KCTD19: variants seen among roughly 807,000 people sequenced by gnomAD.
KCTD19 encodes the protein potassium channel tetramerization domain containing 19, also known as BTB/POZ domain-containing protein KCTD19.
In KCTD19, 67 loss-of-function variants were observed where a neutral mutation model predicts 103.5. The observed-to-expected ratio is 0.65, with a 90% CI of 0.53 to 0.79. The LOEUF (loss-of-function observed/expected upper bound fraction) is 0.79, where lower values mean the gene tolerates loss of function less well. Among genes scored for constraint, KCTD19 ranks in the 30% least tolerant of loss-of-function variants. The pLI, the probability that KCTD19 is intolerant of heterozygous loss-of-function variation, is 0.00. For missense variants in KCTD19, 980 were observed against 1,136.1 expected (o/e 0.86, Z 1.98); for synonymous variants, 439 against 452.2 (o/e 0.97, Z 0.37).
chr16:67,314,013 T>A (rs2036976350), intron 2 of KCTD19, among the ~76,000 whole-genome samples: 1 of 152,188 alleles, frequency 6.6e-6, no homozygotes, highest in Non-Finnish European at 1.5e-5. Context: ...CATGCTACCA[T>A]GCCTGGATAA....
chr16:67,293,436 C>T lies in KCTD19; in HGVS notation c.2218+108G>A, dbSNP rs778025965. The T allele has an allele frequency of 1.0e-4, 124 of 1,220,228 alleles. No individual in the cohort carries two copies. The highest frequency in any genetic ancestry group is 2.8e-4 in the Admixed American group (13 of 46,854). 75.6% of individuals were successfully genotyped at this position (1,220,228 alleles called of 1,614,324 possible). On this transcript the variant is annotated intron_variant, in intron 12 of 15. Transcript: ENST00000304372. This position sits in a 1 kb window ranked among gnomAD's most constrained non-coding sequence, Gnocchi z 4.0. Reference sequence around the variant, plus strand: ...CTGGCACAGAGATGGCATTGGTGAGCGGGGGGGTCTAGTCCTCCTTTGTCA... The same window carrying T: ...CTGGCACAGAGATGGCATTGGTGAGTGGGGGGGTCTAGTCCTCCTTTGTCA...
intron 15 of KCTD19, 99 bp from the exon 16 acceptor site, chr16:67,289,781 GC>G: frequency 1.2e-6 from 1 of 815,138 alleles, no homozygotes; most frequent in Non-Finnish European, 2.0e-6. Flanking sequence ...GACAGGGCAA[GC>G]CCGGCTGTTG....
intron 2 of KCTD19, among the ~76,000 whole-genome samples, chr16:67,317,047 A>AG (rs1216052250): frequency 6.6e-6 from 1 of 152,204 alleles, no homozygotes; most frequent in Non-Finnish European, 1.5e-5. Context: ...AGTTAGCAGG[A>AG]GGCAAAGTCA....
At chr16:67,299,864 C>A (rs867356151) in intron 5 of KCTD19, 6 of 460,510 alleles carry the variant, frequency 1.3e-5, no homozygotes, top group African/African-American at 4.0e-5. Flanking sequence ...GCCATCTGGC[C>A]CTAGCCTCTG....
At chr16:67,318,763 G>A (rs1160687286) in intron 2 of KCTD19, among the ~76,000 whole-genome samples, 1 of 151,820 alleles carries the variant, frequency 6.6e-6, no homozygotes, top group Non-Finnish European at 1.5e-5. Flanking sequence ...TGATGCCTTG[G>A]CGTAGAGTCA....
chr16:67,309,553 G>A (rs539648887), intron 2 of KCTD19, among the ~76,000 whole-genome samples: 32 of 152,336 alleles, frequency 2.1e-4, no homozygotes, highest in East Asian at 7.7e-4. Flanking sequence ...CTAGGGCAGC[G>A]TAGCACTCCA....
At chr16:67,302,937 T>C (rs1241158903) in intron 4 of KCTD19, 2 of 563,504 alleles carry the variant, frequency 3.5e-6, no homozygotes, top group Non-Finnish European at 6.2e-6. Context: ...CCAAAACAAA[T>C]AGGGAATAAA....
intron 6 of KCTD19, 41 bp from the exon 7 acceptor site, chr16:67,297,704 G>A: frequency 6.3e-7 from 1 of 1,599,864 alleles, no homozygotes; most frequent in Non-Finnish European, 8.5e-7. Flanking sequence ...CATCAGCATT[G>A]TACCCCAAGA....
At chr16:67,304,170 G>T (rs2036866347) in intron 3 of KCTD19, among the ~76,000 whole-genome samples, 1 of 152,230 alleles carries the variant, frequency 6.6e-6, no homozygotes, top group South Asian at 2.1e-4. Flanking sequence ...GAATAGGAGG[G>T]AGTGGAATGA....
At position 67,291,625 on chromosome 16, in the gene KCTD19, G is replaced by A. The variant is rs199935854; in HGVS notation, c.2410+21C>T. The A allele has an allele frequency of 4.9e-5, 78 of 1,607,930 alleles. No individual in the cohort carries two copies. The African/African-American group carries it at 9.2e-4, about 19-fold the overall frequency. On this transcript the variant is annotated intron_variant, in intron 13 of 15. Transcript: ENST00000304372. ...ATCCTCACGAGGAGGCGCAGGGCTC[G>A]GCCTGGCTCCAGAGCCTCACCTTGG...
chr16:67,290,890 C>T lies in KCTD19; in HGVS notation c.2662G>A (p.Val888Met), dbSNP rs1336525599. The change falls in exon 15 of 16, where the codon GTG becomes ATG. Residue 888 changes from valine to methionine, a missense_variant. Physicochemically the swap from Val to Met is conservative, Grantham distance 21 (BLOSUM62 1). Transcript: ENST00000304372. Reference protein sequence around the residue: ...RHTQERLYSWVELTLPFARKY... With the variant: ...RHTQERLYSWMELTLPFARKY... ...GGATTGCAAGTGGCCCTCACCTCCA[C>T]CCAGCTGTACAGGCGCTCCTGGGTG... The T allele has an allele frequency of 1.2e-6, 2 of 1,612,396 alleles. No homozygotes were observed. Among genetic ancestry groups the T allele is most frequent in the Non-Finnish European group, 1.7e-6 (2 of 1,179,408 alleles).
In KCTD19 at chr16:67,323,811, G is replaced by T. The variant is rs1597402458; in HGVS notation, c.3+2894C>A. ...ATTGTGATGATAGTTGCACAACTCT[G>T]AACATACTAAAACTCACTGAATTGT... On this transcript the variant is annotated intron_variant, in intron 1 of 15. Transcript: ENST00000304372. The surrounding 1 kb of genome is among the most constrained non-coding windows in gnomAD (Gnocchi z 4.1). Among the ~76,000 whole-genome samples the T allele has an allele frequency of 6.6e-6, 1 of 151,436 alleles. No homozygotes were observed. Among genetic ancestry groups the T allele is most frequent in the South Asian group, 2.1e-4 (1 of 4,796 alleles).
rs373847614 is a variant in KCTD19 at position 67,297,560 on chromosome 16, T to C, written c.1090A>G (p.Lys364Glu). The change falls in exon 7 of 16, where the codon AAA becomes GAA. Residue 364 changes from lysine (K) to glutamate (E), a missense_variant. By Grantham distance (56) the Lys-to-Glu change is moderately conservative. Coordinates refer to ENST00000304372, the MANE Select transcript of KCTD19 (RefSeq NM_001100915.3). ...TCCAGATGAGTCTTCAAAGCAACTT[T>C]GATTGGCTCGTAGGTGATGTCCCTT... ...DKRDITYEPI[K>E]VALKTHLEPR... 6.2e-7 allele frequency: 1 copy of C among 1,614,166 alleles called. No individual in the cohort carries two copies. The highest frequency in any genetic ancestry group is 8.5e-7 in the Non-Finnish European group (1 of 1,180,024).
At chr16:67,291,863 C>T (rs1325880902) in intron 12 of KCTD19, 26 bp from the exon 13 acceptor site, 1 of 1,519,884 alleles carries the variant, frequency 6.6e-7, no homozygotes, top group Non-Finnish European at 8.8e-7. Context: ...AGGGAGGGGG[C>T]TCTCCTTTTA....
chr16:67,318,119 C>T (rs193229170), intron 2 of KCTD19, among the ~76,000 whole-genome samples: 406 of 152,310 alleles, frequency 2.7e-3, no homozygotes, highest in Non-Finnish European at 5.2e-3. Context: ...TCTTTGACAA[C>T]ACCATTTTCA....
chr16:67,305,660 TC>T (rs778875757), intron 2 of KCTD19: 12 of 453,064 alleles, frequency 2.6e-5, no homozygotes, highest in South Asian at 1.7e-4. Flanking sequence ...CCTTTTTTTT[TC>T]TGTCTTTACG....
intron 2 of KCTD19, chr16:67,305,698 C>T: frequency 4.8e-6 from 2 of 419,354 alleles, no homozygotes; most frequent in Admixed American, 2.6e-5. Context: ...AGTATTTTCC[C>T]AATAAATTTC....
In KCTD19 at chr16:67,291,413, G is replaced by A; in HGVS notation, c.2461C>T (p.Gln821Ter). The change falls in exon 14 of 16, where the codon CAG becomes TAG. Residue 821 changes from glutamine to a stop codon, truncating the protein, a stop_gained. Transcript: ENST00000304372. LOFTEE classifies it high-confidence loss of function. Reference sequence around the variant, plus strand: ...TCAGCCAGGAAGCAGTGACATTTCTGTGCATAAAACATCTCTTCCCAGGAC... The same window carrying A: ...TCAGCCAGGAAGCAGTGACATTTCTATGCATAAAACATCTCTTCCCAGGAC... Reference protein sequence around the residue: ...SLSWEEMFYAQKCHCFLADII... With the variant: ...SLSWEEMFYA 1 of 1,614,202 alleles carries A rather than the reference G, an allele frequency of 6.2e-7. No individual in the cohort carries two copies. Among genetic ancestry groups the A allele is most frequent in the Non-Finnish European group, 8.5e-7 (1 of 1,180,018 alleles).
At chr16:67,301,763 G>C in intron 5 of KCTD19, 28 bp downstream of exon 5, 1 of 1,610,720 alleles carries the variant, frequency 6.2e-7, no homozygotes, top group South Asian at 1.1e-5. Context: ...GACTGTCGAG[G>C]GGGAGCCAAG....
Sources: allele counts gnomAD v4.1 joint callset (sites outside exome capture counted in the v4.1 genomes callset), GRCh38; gene constraint gnomAD v4.1.1; non-coding constraint Gnocchi (gnomAD v3.1); transcripts MANE v1.5; gene names NCBI Gene and HGNC (gene_info 2026-07-23, HGNC 2026-07-21).